The following PTPRD variants were observed in gnomAD, a reference collection of about 807,000 sequenced individuals.
PTPRD encodes the protein receptor-type tyrosine-protein phosphatase delta.
PTPRD carries 34 observed loss-of-function variants against 214.5 expected under a neutral mutation model. The ratio of observed to expected loss-of-function variants is 0.16; its 90% CI spans 0.12 to 0.21. The LOEUF is 0.21. Among genes scored for constraint, PTPRD ranks in the 10% least tolerant of loss-of-function variants. The pLI is 1.00. For missense variants in PTPRD, 2,545 were observed against 2,398.7 expected (o/e 1.06, Z -1.27); for synonymous variants, 1,128 against 845.7 (o/e 1.33, Z -5.79).
intron 3 of PTPRD, among the ~76,000 whole-genome samples, chr9:10,108,930 T>C (rs1314361601): frequency 1.3e-5 from 2 of 151,952 alleles, no homozygotes; most frequent in Non-Finnish European, 2.9e-5. Flanking sequence ...ACTCAGCCTA[T>C]TGTTGAGAAA....
intron 2 of PTPRD, among the ~76,000 whole-genome samples, chr9:10,394,404 A>AT (rs2098130745): frequency 6.6e-6 from 1 of 151,638 alleles, no homozygotes; most frequent in Admixed American, 6.6e-5. Flanking sequence ...TAAATGAATA[A>AT]TGCCTTCTTC....
chr9:10,371,065 A>G (rs2154477569), intron 2 of PTPRD, among the ~76,000 whole-genome samples: 1 of 152,174 alleles, frequency 6.6e-6, no homozygotes, highest in Non-Finnish European at 1.5e-5. Flanking sequence ...TCCCTATCCA[A>G]CCAAATTTGT....
intron 9 of PTPRD, among the ~76,000 whole-genome samples, chr9:9,204,545 C>T (rs1407867282): frequency 1.3e-5 from 2 of 152,102 alleles, no homozygotes; most frequent in Non-Finnish European, 2.9e-5. Flanking sequence ...TCCTTTGCTT[C>T]CAACTATAGA....
chr9:8,524,468 C>T (rs1452089473), intron 18 of PTPRD, among the ~76,000 whole-genome samples: 1 of 152,118 alleles, frequency 6.6e-6, no homozygotes, highest in Non-Finnish European at 1.5e-5. Context: ...GCAGCTTTAT[C>T]CTTACAGTTT....
At chr9:9,062,153 A>T (rs575252800) in intron 10 of PTPRD, among the ~76,000 whole-genome samples, 1 of 152,288 alleles carries the variant, frequency 6.6e-6, no homozygotes, top group East Asian at 1.9e-4. Flanking sequence ...TTTTACTTAC[A>T]CTGTTTTCCA....
chr9:10,583,978 A>G (rs1055210655), intron 2 of PTPRD, among the ~76,000 whole-genome samples: 1 of 152,162 alleles, frequency 6.6e-6, no homozygotes, highest in African/African-American at 2.4e-5. Flanking sequence ...AAGGTACACC[A>G]GTAACAATTC....
chr9:10,106,261 A>G (rs1245862487), intron 3 of PTPRD, among the ~76,000 whole-genome samples: 1 of 151,902 alleles, frequency 6.6e-6, no homozygotes, highest in Non-Finnish European at 1.5e-5. Flanking sequence ...AGGACCTCCT[A>G]GAAATGACAT....
intron 7 of PTPRD, among the ~76,000 whole-genome samples, chr9:9,652,537 C>A (rs1256101632): frequency 6.6e-6 from 1 of 151,988 alleles, no homozygotes; most frequent in Non-Finnish European, 1.5e-5. Context: ...CTGAAAGGGT[C>A]AGATTGTGAA....
At chr9:9,267,322 G>C (rs1940386884) in intron 9 of PTPRD, among the ~76,000 whole-genome samples, 1 of 151,036 alleles carries the variant, frequency 6.6e-6, no homozygotes, top group Non-Finnish European at 1.5e-5. Flanking sequence ...ATATGTTCCT[G>C]GAAACATACA....
intron 7 of PTPRD, among the ~76,000 whole-genome samples, chr9:9,644,967 A>G (rs1390680443): frequency 6.6e-6 from 1 of 152,204 alleles, no homozygotes; most frequent in East Asian, 1.9e-4. Flanking sequence ...ATGCCACACA[A>G]GAACCTGGTT....
intron 12 of PTPRD, among the ~76,000 whole-genome samples, chr9:8,709,514 CAAAAAAA>C (rs758112672): frequency 1.8e-5 from 1 of 56,334 alleles, no homozygotes; most frequent in Non-Finnish European, 3.4e-5. Context: ...GACTCCATCT[CAAAAAAA>C]AAAAAAAAAA....
At chr9:8,483,253 A>G (rs1409118193) in intron 30 of PTPRD, among the ~76,000 whole-genome samples, 2 of 152,154 alleles carry the variant, frequency 1.3e-5, no homozygotes, top group African/African-American at 4.8e-5. Context: ...TCTAATGTTT[A>G]TATTTTTTCC....
intron 2 of PTPRD, among the ~76,000 whole-genome samples, chr9:10,342,642 G>T (rs539289214): frequency 6.6e-6 from 1 of 151,978 alleles, no homozygotes; most frequent in Non-Finnish European, 1.5e-5. Context: ...TTATTTTATT[G>T]TTCTTAATTT....
intron 12 of PTPRD, among the ~76,000 whole-genome samples, chr9:8,710,444 C>T (rs1373215318): frequency 6.6e-6 from 1 of 151,974 alleles, no homozygotes; most frequent in Non-Finnish European, 1.5e-5. Context: ...GGCAAAACCC[C>T]GTCTCTACAA....
chr9:9,896,305 T>A (rs2074962291), intron 5 of PTPRD, among the ~76,000 whole-genome samples: 1 of 151,760 alleles, frequency 6.6e-6, no homozygotes, highest in African/African-American at 2.4e-5. Flanking sequence ...AAGAAAAGAG[T>A]CATGGACAAA....
At chr9:9,901,373 G>A (rs1377283581) in intron 5 of PTPRD, among the ~76,000 whole-genome samples, 2 of 152,086 alleles carry the variant, frequency 1.3e-5, no homozygotes, top group African/African-American at 4.8e-5. Flanking sequence ...CAACATGTGG[G>A]ATAAGTTGTC....
intron 9 of PTPRD, among the ~76,000 whole-genome samples, chr9:9,185,873 CTT>C (rs5896308): frequency 1.4e-5 from 2 of 146,784 alleles, no homozygotes; most frequent in African/African-American, 2.5e-5. Context: ...AATTTTTTTT[CTT>C]TTTTTTTTTG....
At chr9:9,310,141 C>A (rs552344271) in intron 9 of PTPRD, among the ~76,000 whole-genome samples, 1 of 152,224 alleles carries the variant, frequency 6.6e-6, no homozygotes, top group Non-Finnish European at 1.5e-5. Flanking sequence ...ACTAAGGCAG[C>A]AAGGTCACAT....
intron 3 of PTPRD, among the ~76,000 whole-genome samples, chr9:10,051,449 T>A (rs1039700352): frequency 2.6e-5 from 4 of 152,238 alleles, no homozygotes; most frequent in Admixed American, 6.5e-5. Flanking sequence ...TCAGTTTTTT[T>A]ACATTTTATT....
Sources: gnomAD v4.1 joint callset for allele counts (sites outside exome capture counted in the v4.1 genomes callset) on GRCh38, gnomAD v4.1.1 for gene constraint, MANE v1.5 for transcripts, NCBI Gene and HGNC (gene_info 2026-07-23, HGNC 2026-07-21) for gene names.